Variants in AEN observed in about 807,000 individuals in gnomAD.
AEN encodes apoptosis enhancing nuclease, also known as apoptosis-enhancing nuclease.
A neutral mutation model predicts 17.7 loss-of-function variants in AEN; 21 were observed. The ratio of observed to expected loss-of-function variants is 1.19; its 90% confidence interval spans 0.84 to 1.71. The LOEUF (loss-of-function observed/expected upper bound fraction) is 1.71, where lower values mean the gene tolerates loss of function less well. AEN is among the 40% of genes most tolerant of loss of function. The pLI is 0.00. For synonymous variants in AEN, 190 were observed against 173.0 expected, an observed-to-expected ratio of 1.10 and a Z score of -0.77; for missense variants, 462 against 435.9, an observed-to-expected ratio of 1.06 and a Z score of -0.53.
intron 2 of AEN, chr15:88,628,037 A>G (rs1213699318): frequency 1.3e-5 from 2 of 152,106 alleles, no homozygotes; most frequent in African/African-American, 2.4e-5. Context: ...TATTTTATGT[A>G]TCAAGCAGGC....
intron 3 of AEN, among the ~76,000 whole-genome samples, chr15:88,629,809 TTCATC>T (rs1265102533): frequency 6.6e-6 from 1 of 152,230 alleles, no homozygotes; most frequent in Non-Finnish European, 1.5e-5. Context: ...ACATTTATTA[TTCATC>T]TGATCTGCAA....
chr15:88,628,019 T>A (rs1183483748), intron 2 of AEN: 1 of 152,066 alleles, frequency 6.6e-6, no homozygotes, highest in Non-Finnish European at 1.5e-5. Flanking sequence ...TTTGAAATGA[T>A]CGGAGGTTAT....
At chr15:88,607,364 C>T in the AEN span, among the ~76,000 whole-genome samples, 1 of 152,334 alleles carries the variant, frequency 6.6e-6, no homozygotes, top group African/African-American at 2.4e-5. Context: ...CAGCCTTGCC[C>T]TGCCTATGTC....
upstream of AEN, among the ~76,000 whole-genome samples, chr15:88,620,080 C>T (rs2057769600): frequency 6.6e-6 from 1 of 152,190 alleles, no homozygotes; most frequent in African/African-American, 2.4e-5. Context: ...CTTGTGACCT[C>T]ATCCCTTGTC....
At chr15:88,616,672 A>G (rs985660870), upstream of AEN, among the ~76,000 whole-genome samples, 2 of 152,250 alleles carry the variant, frequency 1.3e-5, no homozygotes, top group Non-Finnish European at 2.9e-5. Context: ...CTGACCTACA[A>G]TGGCTCAATT....
In AEN at chr15:88,631,042, A is replaced by C. The variant is rs2057921585; in HGVS notation, c.*748A>C. On this transcript the variant is annotated 3_prime_UTR_variant, in exon 4 of 4. Transcript: ENST00000332810. ...GCACAGCTCAGGGAGGAGGGAAGGCAGGTAAGCTTTGGACGAGAACTGGCA... is the reference window on the plus strand; with the variant it reads ...GCACAGCTCAGGGAGGAGGGAAGGCCGGTAAGCTTTGGACGAGAACTGGCA... 2.2e-6 allele frequency: 1 copy of C among 446,648 alleles called. No individual in the cohort carries two copies. The allele number at this position is 446,648 out of a possible 1,614,324, so 27.7% of individuals were successfully genotyped here.
chr15:88,613,586 C>CTTGGG, the AEN span, among the ~76,000 whole-genome samples: 1 of 141,004 alleles, frequency 7.1e-6, no homozygotes, highest in Non-Finnish European at 1.5e-5. Flanking sequence ...ACAAGCATCT[C>CTTGGG]GGGGGGGGAT....
chr15:88,619,958 C>A (rs925125261), upstream of AEN, among the ~76,000 whole-genome samples: 4 of 152,188 alleles, frequency 2.6e-5, no homozygotes, highest in African/African-American at 9.7e-5. Flanking sequence ...CCTCTCTATG[C>A]TGCAGCCAGA....
chr15:88,619,388 ACT>A (rs1482960771), upstream of AEN, among the ~76,000 whole-genome samples: 1 of 151,938 alleles, frequency 6.6e-6, no homozygotes, highest in Admixed American at 6.6e-5. Flanking sequence ...CTGGATATTG[ACT>A]CTCTTAAAAC....
intron 1 of AEN, chr15:88,621,693 T>C (rs2057790378): frequency 6.6e-6 from 1 of 152,188 alleles, no homozygotes; most frequent in South Asian, 2.1e-4. Flanking sequence ...GCGTCACGCC[T>C]GGGAGAACGC....
intron 1 of AEN, among the ~76,000 whole-genome samples, chr15:88,622,781 T>C (rs187275123): frequency 6.6e-6 from 1 of 152,340 alleles, no homozygotes; most frequent in Non-Finnish European, 1.5e-5. Flanking sequence ...GTCTGGTGCG[T>C]GGCGCCGGGC....
chr15:88,610,212 T>C, the AEN span, among the ~76,000 whole-genome samples: 2 of 152,180 alleles, frequency 1.3e-5, no homozygotes. Context: ...TAGTTAGCAT[T>C]GTTCTCTAAT....
intron 1 of AEN, among the ~76,000 whole-genome samples, chr15:88,623,186 A>C (rs559662094): frequency 6.6e-6 from 1 of 152,178 alleles, no homozygotes; most frequent in African/African-American, 2.4e-5. Flanking sequence ...CAGTTCTAAG[A>C]TGTGACTGTC....
upstream of AEN, among the ~76,000 whole-genome samples, chr15:88,616,840 T>C (rs2045494068): frequency 6.6e-6 from 1 of 152,242 alleles, no homozygotes; most frequent in Non-Finnish European, 1.5e-5. Flanking sequence ...TTAGATGATT[T>C]TGCCCAACTG....
At chr15:88,627,110 T>G in intron 2 of AEN, 1 of 235,334 alleles carries the variant, frequency 4.2e-6, no homozygotes, top group Non-Finnish European at 8.5e-6. Flanking sequence ...TTTGGCATAT[T>G]TCCTTATGTT....
At chr15:88,629,170 C>A (rs537201561) in intron 2 of AEN, 56 bp from the exon 3 acceptor site, 1 of 1,582,174 alleles carries the variant, frequency 6.3e-7, no homozygotes. Flanking sequence ...GGGCGTGTCT[C>A]CTGCCAACCT....
chr15:88,628,984 T>G (rs1596031688), intron 2 of AEN: 1 of 508,128 alleles, frequency 2.0e-6, no homozygotes, highest in Non-Finnish European at 3.5e-6. Context: ...GGAATGCTGC[T>G]GGCAGTGTTT....
chr15:88,626,117 G>A (rs762913870), intron 1 of AEN, 29 bp from the exon 2 acceptor site: 15 of 1,399,392 alleles, frequency 1.1e-5, no homozygotes, highest in Admixed American at 7.9e-5. Flanking sequence ...CTCTCACCCA[G>A]CCCCTCTGCC....
chr15:88,627,848 C>G (rs1225777060), intron 2 of AEN: 1 of 152,206 alleles, frequency 6.6e-6, no homozygotes, highest in Non-Finnish European at 1.5e-5. Flanking sequence ...TGTCATACAT[C>G]AATTGCATTG....
Sources: allele counts gnomAD v4.1 joint callset (sites outside exome capture counted in the v4.1 genomes callset), GRCh38; gene constraint gnomAD v4.1.1; transcripts MANE v1.5; gene names NCBI Gene and HGNC (gene_info 2026-07-23, HGNC 2026-07-21).